PPIL4: variants seen among roughly 807,000 people sequenced by gnomAD.
PPIL4 encodes the protein peptidylprolyl isomerase like 4.
In PPIL4, 50 loss-of-function variants were observed where a neutral mutation model predicts 69.1. That is an observed-to-expected ratio of 0.72 (90% CI 0.58 to 0.92). The LOEUF is 0.92. Ranked by LOEUF, PPIL4 falls within the 40% of genes least tolerant of loss-of-function variation. PPIL4 has a pLI of 0.00. For missense variants in PPIL4, 480 were observed against 587.9 expected (o/e 0.82, Z 1.90); for synonymous variants, 193 against 191.6 (o/e 1.01, Z -0.06).
chr6:149,505,198 G>A lies in PPIL4; in HGVS notation c.*255C>T. 2 of 338,088 alleles carry A rather than the reference G, an allele frequency of 5.9e-6. No homozygotes were observed. Among genetic ancestry groups the A allele is most frequent in the South Asian group, 5.2e-5 (1 of 19,408 alleles). The allele number at this position is 338,088 out of a possible 1,614,324, so 20.9% of individuals were successfully genotyped here. A position where few individuals can be genotyped will look rare whatever the true frequency, so the allele number is the denominator to read the frequency against. On this transcript the variant is annotated 3_prime_UTR_variant, in exon 13 of 13. Transcript: ENST00000253329. ...TATGAAATACTTCATTAAAAAAAGA[G>A]TGAAAATGTAAGACTTCAAAAATGA...
rs974482030 is a variant in PPIL4, at chr6:149,504,513, C to T, written c.*940G>A. Among the ~76,000 whole-genome samples, 2 of 152,156 alleles carry T rather than the reference C, an allele frequency of 1.3e-5. No individual in the cohort carries two copies. Among genetic ancestry groups the T allele is most frequent in the Non-Finnish European group, 2.9e-5 (2 of 68,040 alleles). ...CAGCAAGCACATCATAATCAAACTT[C>T]TTACAACCAGTGACAGAAAACCTTA... On this transcript the variant is annotated 3_prime_UTR_variant, in exon 13 of 13. Coordinates refer to ENST00000253329, the MANE Select transcript of PPIL4 (RefSeq NM_139126.4).
At chr6:149,509,998 G>A (rs1376281158) in intron 12 of PPIL4, among the ~76,000 whole-genome samples, 3 of 152,042 alleles carry the variant, frequency 2.0e-5, no homozygotes, top group Non-Finnish European at 4.4e-5. Flanking sequence ...GGGATCAAGC[G>A]ATTCTCCTGC....
Position 149,533,548 on chromosome 6 carries a change from T to G in PPIL4, c.588A>C (p.Glu196Asp), listed in dbSNP as rs775136829. 2 of 1,610,820 alleles carry G rather than the reference T, an allele frequency of 1.2e-6. No individual in the cohort carries two copies. Among genetic ancestry groups the G allele is most frequent in the African/African-American group, 2.7e-5 (2 of 74,878 alleles). Reference protein sequence around the residue: ...LDSGRIGADEEIDDFKGRSAE... With the variant: ...LDSGRIGADEDIDDFKGRSAE... ...CTGATCTTCCTTTGAAATCATCAAT[T>G]TCTTCATCTGCTCCTATTCGACCAC... Residue 196 changes from glutamate to aspartate, a missense_variant, in exon 7 of 13, where the codon GAA becomes GAC. Transcript: ENST00000253329.
chr6:149,505,473 C>G lies in PPIL4; in HGVS notation c.1459G>C (p.Glu487Gln), dbSNP rs1399432538. Residue 487 changes from glutamate to glutamine, a missense_variant, in exon 13 of 13, where the codon GAA becomes CAA. Physicochemically the swap from Glu to Gln is conservative, Grantham distance 29. Transcript: ENST00000253329. ...ATCTTTCATCTATACTTAGATTTTT[C>G]TTTATCTTTGGACTTCTTTGGACTT... is the stretch of plus-strand genomic sequence containing the variant. ...SRSPKKSKDKEKSKYR is the reference protein window; with the variant it reads ...SRSPKKSKDKQKSKYR 6.2e-7 allele frequency: 1 copy of G among 1,612,020 alleles called. No individual in the cohort carries two copies. The highest frequency in any genetic ancestry group is 1.1e-5 in the South Asian group (1 of 90,440).
chr6:149,544,689 G>T (rs1436531856), intron 1 of PPIL4, among the ~76,000 whole-genome samples: 1 of 152,186 alleles, frequency 6.6e-6, no homozygotes, highest in African/African-American at 2.4e-5. Flanking sequence ...ATAATAAGTA[G>T]TAAGTTTGCC....
rs190360380 is a variant in PPIL4, at chr6:149,528,188, G to A, written c.679-1412C>T. Among the ~76,000 whole-genome samples the A allele has an allele frequency of 2.1e-3, 318 of 152,260 alleles. 1 individual carries two copies. The highest frequency in any genetic ancestry group is 3.5e-3 in the Non-Finnish European group (235 of 68,026). On this transcript the variant is annotated intron_variant, in intron 7 of 12. Transcript: ENST00000253329. ...CTTGGGTTCCAGAGTTTTTGAGGCAGCAGTGAGCTATGATCACACCACTGC... is the reference window on the plus strand; with the variant it reads ...CTTGGGTTCCAGAGTTTTTGAGGCAACAGTGAGCTATGATCACACCACTGC...
intron 7 of PPIL4, among the ~76,000 whole-genome samples, chr6:149,532,220 G>T (rs1014461138): frequency 2.6e-5 from 4 of 152,168 alleles, no homozygotes; most frequent in Non-Finnish European, 2.9e-5. Context: ...TTAAAAATTG[G>T]TGAATGTGGG....
At chr6:149,520,219 AATCAT>A (rs897537427) in intron 10 of PPIL4, among the ~76,000 whole-genome samples, 5 of 152,172 alleles carry the variant, frequency 3.3e-5, no homozygotes, top group Admixed American at 2.0e-4. Flanking sequence ...AAAAGGAGAA[AATCAT>A]ATATATATAT....
rs139413894 is a variant in PPIL4, at chr6:149,535,535, G to A, written c.464+61C>T. ...ATACCGTTCCTATCCATACCACTACGTGTTAAACATCTCAATATTAAAACA... is the reference window on the plus strand; with the variant it reads ...ATACCGTTCCTATCCATACCACTACATGTTAAACATCTCAATATTAAAACA... On this transcript the variant is annotated intron_variant, in intron 5 of 12. Transcript: ENST00000253329. 674 of 1,349,758 alleles carry A rather than the reference G, an allele frequency of 5.0e-4. 2 individuals are homozygous for A. In the African/African-American group the frequency reaches 7.5e-3, roughly 15 times the overall value. The allele number at this position is 1,349,758 out of a possible 1,614,324, so 83.6% of individuals were successfully genotyped here. A position where few individuals can be genotyped will look rare whatever the true frequency, so the allele number is the denominator to read the frequency against.
At chr6:149,529,974 G>A (rs566329328) in intron 7 of PPIL4, among the ~76,000 whole-genome samples, 28 of 152,270 alleles carry the variant, frequency 1.8e-4, no homozygotes, top group Admixed American at 1.7e-3. Flanking sequence ...AACATCAGTA[G>A]TTGCCAAGAA....
intron 11 of PPIL4, chr6:149,516,856 A>G (rs1334544616): frequency 6.6e-6 from 1 of 152,284 alleles, no homozygotes; most frequent in Non-Finnish European, 1.5e-5. Flanking sequence ...AAGGAAGTTA[A>G]ACATAACAGC....
At chr6:149,530,725 T>C (rs1032017163) in intron 7 of PPIL4, among the ~76,000 whole-genome samples, 3 of 151,278 alleles carry the variant, frequency 2.0e-5, no homozygotes, top group African/African-American at 4.9e-5. Flanking sequence ...GTGGAAAAAG[T>C]GGTGGGGGTG....
At chr6:149,510,113 C>T (rs1562255624) in intron 12 of PPIL4, among the ~76,000 whole-genome samples, 1 of 151,972 alleles carries the variant, frequency 6.6e-6, no homozygotes, top group African/African-American at 2.4e-5. Flanking sequence ...CAGGAACCAA[C>T]AAAAGTATGG....
chr6:149,518,076 T>A (rs760884939), intron 10 of PPIL4, among the ~76,000 whole-genome samples: 1 of 152,044 alleles, frequency 6.6e-6, no homozygotes, highest in Non-Finnish European at 1.5e-5. Flanking sequence ...GTGCAGAAGA[T>A]CACCAAACAG....
chr6:149,527,797 CTT>C (rs1455987755), intron 7 of PPIL4, among the ~76,000 whole-genome samples: 1 of 152,226 alleles, frequency 6.6e-6, no homozygotes, highest in African/African-American at 2.4e-5. Flanking sequence ...TTCAAACACT[CTT>C]TCAGAGATTA....
intron 12 of PPIL4, among the ~76,000 whole-genome samples, chr6:149,508,034 T>C (rs1776791972): frequency 6.6e-6 from 1 of 152,238 alleles, no homozygotes; most frequent in Admixed American, 6.5e-5. Flanking sequence ...AGTGGCTGAA[T>C]GAAGCCATGT....
chr6:149,524,225 ATTAG>A (rs1777073842), intron 9 of PPIL4, among the ~76,000 whole-genome samples: 2 of 152,202 alleles, frequency 1.3e-5, no homozygotes, highest in Non-Finnish European at 2.9e-5. Flanking sequence ...AACAAGTCAC[ATTAG>A]CATTATGTGT....
intron 6 of PPIL4, among the ~76,000 whole-genome samples, chr6:149,533,921 A>C (rs910371282): frequency 1.3e-5 from 2 of 152,262 alleles, no homozygotes; most frequent in Admixed American, 6.5e-5. Flanking sequence ...CTTTGGGAGA[A>C]CACGCAGGTG....
intron 6 of PPIL4, among the ~76,000 whole-genome samples, chr6:149,533,867 T>C (rs922986647): frequency 6.6e-6 from 1 of 152,122 alleles, no homozygotes; most frequent in African/African-American, 2.4e-5. Flanking sequence ...TCTGTTAAAA[T>C]CAAAATAGGC....
Sources: allele counts gnomAD v4.1 joint callset (sites outside exome capture counted in the v4.1 genomes callset), GRCh38; gene constraint gnomAD v4.1.1; transcripts MANE v1.5; gene names NCBI Gene and HGNC (gene_info 2026-07-23, HGNC 2026-07-21).